The following COL8A1 variants were observed in gnomAD, a reference collection of about 807,000 sequenced individuals.
The protein encoded by COL8A1 is collagen type VIII alpha 1 chain.
Under a neutral mutation model 42.7 loss-of-function variants are expected in COL8A1, and 21 were observed. The ratio of observed to expected loss-of-function variants is 0.49; its 90% CI spans 0.35 to 0.71. The LOEUF (loss-of-function observed/expected upper bound fraction) is 0.71, where lower values mean the gene tolerates loss of function less well. Ranked by LOEUF, COL8A1 falls within the 30% of genes least tolerant of loss-of-function variation. The probability of loss-of-function intolerance (pLI) is 0.01; values close to 1 mark genes in which losing one functional copy is unlikely to be tolerated. For synonymous variants in COL8A1, 367 were observed against 369.1 expected, an observed-to-expected ratio of 0.99 and a Z score of 0.06; for missense variants, 788 against 962.4, an observed-to-expected ratio of 0.82 and a Z score of 2.40.
At chr3:99,650,827 A>G (rs1937821985) in intron 1 of COL8A1, among the ~76,000 whole-genome samples, 1 of 152,256 alleles carries the variant, frequency 6.6e-6, no homozygotes, top group South Asian at 2.1e-4. Context: ...ATATTGAACA[A>G]GAAACTATTT....
intron 1 of COL8A1, among the ~76,000 whole-genome samples, chr3:99,738,877 T>C (rs1239372234): frequency 1.3e-5 from 2 of 152,132 alleles, no homozygotes; most frequent in Non-Finnish European, 2.9e-5. Context: ...ATCAGCGAGA[T>C]TCCGTGGGCG....
At chr3:99,658,031 G>T (rs1269746843) in intron 1 of COL8A1, among the ~76,000 whole-genome samples, 1 of 151,388 alleles carries the variant, frequency 6.6e-6, no homozygotes, top group Non-Finnish European at 1.5e-5. Context: ...GGAGGCTGAG[G>T]CAGGAGAATC....
At chr3:99,700,306 A>G (rs989924461) in intron 1 of COL8A1, among the ~76,000 whole-genome samples, 1 of 151,890 alleles carries the variant, frequency 6.6e-6, no homozygotes, top group African/African-American at 2.4e-5. Context: ...TTTAGAAGAA[A>G]AAAAAAAAAG....
chr3:99,788,872 T>C (rs879576813), intron 2 of COL8A1, among the ~76,000 whole-genome samples: 1 of 152,184 alleles, frequency 6.6e-6, no homozygotes, highest in Admixed American at 6.5e-5. Context: ...GGATTTTAGA[T>C]ACTGGAGAAC....
At position 99,799,093 on chromosome 3, in the gene COL8A1, C is replaced by A. The variant is rs924437970; in HGVS notation, c.*2957C>A. The A allele has an allele frequency of 1.3e-5, 2 of 152,162 alleles. No homozygotes were observed. The highest frequency in any genetic ancestry group is 2.9e-5 in the Non-Finnish European group (2 of 68,002). 9.4% of individuals were successfully genotyped at this position (152,162 alleles called of 1,614,324 possible). A position where few individuals can be genotyped will look rare whatever the true frequency, so the allele number is the denominator to read the frequency against. Reference sequence around the variant, plus strand: ...CAAATATTTTATAGAATACAATGAACGGTGAACAGACTGGTAACTTGTTTG... The same window carrying A: ...CAAATATTTTATAGAATACAATGAAAGGTGAACAGACTGGTAACTTGTTTG... On this transcript the variant is annotated 3_prime_UTR_variant, in exon 4 of 4. Transcript: ENST00000652472.
intron 1 of COL8A1, among the ~76,000 whole-genome samples, chr3:99,669,152 G>C (rs1409070744): frequency 1.6e-4 from 7 of 42,486 alleles, no homozygotes; most frequent in Non-Finnish European, 3.6e-4. Context: ...TATATAGAGG[G>C]AGAGAGAGAG....
chr3:99,703,280 A>G (rs1436088297), intron 1 of COL8A1: 1 of 152,312 alleles, frequency 6.6e-6, no homozygotes, highest in African/African-American at 2.4e-5. Flanking sequence ...ACAAGCTATG[A>G]GATTTGCGCT....
intron 1 of COL8A1, among the ~76,000 whole-genome samples, chr3:99,641,859 A>C (rs886431811): frequency 2.6e-5 from 4 of 152,182 alleles, no homozygotes; most frequent in Non-Finnish European, 5.9e-5. Flanking sequence ...TGAAAGGTGC[A>C]CTGGTCTAAC....
intron 1 of COL8A1, among the ~76,000 whole-genome samples, chr3:99,674,050 G>A (rs997972410): frequency 2.0e-5 from 3 of 151,874 alleles, no homozygotes; most frequent in Non-Finnish European, 4.4e-5. Flanking sequence ...CATGAATTTT[G>A]GGAAATTTTC....
intron 1 of COL8A1, chr3:99,678,586 T>G (rs948995234): frequency 1.8e-4 from 27 of 149,228 alleles, no homozygotes; most frequent in Admixed American, 1.3e-4. Context: ...GGGTTGTTTG[T>G]TGTTGTTGTT....
intron 1 of COL8A1, among the ~76,000 whole-genome samples, chr3:99,669,151 GGA>G (rs36015819): frequency 0.34 from 39,006 of 113,284 alleles, 6,477 homozygotes; most frequent in East Asian, 0.65. Flanking sequence ...ATATATAGAG[GGA>G]GAGAGAGAGA....
chr3:99,646,424 G>A (rs780579965), intron 1 of COL8A1, among the ~76,000 whole-genome samples: 31 of 152,152 alleles, frequency 2.0e-4, no homozygotes, highest in Non-Finnish European at 4.4e-4. Context: ...GGCAAGGGGC[G>A]TGTCACTGAT....
intron 1 of COL8A1, among the ~76,000 whole-genome samples, chr3:99,735,442 C>A (rs28897444): frequency 3.6e-5 from 2 of 55,974 alleles, no homozygotes; most frequent in Non-Finnish European, 6.7e-5. Context: ...TGTTTATATG[C>A]TGGATTACAT....
At chr3:99,733,624 T>C (rs1940597688) in intron 1 of COL8A1, among the ~76,000 whole-genome samples, 1 of 152,042 alleles carries the variant, frequency 6.6e-6, no homozygotes, top group South Asian at 2.1e-4. Flanking sequence ...TGTATGTGTC[T>C]TTATAGCAGC....
At chr3:99,687,006 C>A (rs1488840059) in intron 1 of COL8A1, among the ~76,000 whole-genome samples, 1 of 152,142 alleles carries the variant, frequency 6.6e-6, no homozygotes, top group East Asian at 1.9e-4. Context: ...TTACACCCAG[C>A]CAATTTTTTT....
At chr3:99,760,036 C>G (rs1200174712) in intron 2 of COL8A1, among the ~76,000 whole-genome samples, 1 of 151,866 alleles carries the variant, frequency 6.6e-6, no homozygotes. Context: ...GGAATTGCTG[C>G]TATATGAAGC....
At chr3:99,782,140 C>A (rs979606575) in intron 2 of COL8A1, among the ~76,000 whole-genome samples, 5 of 151,908 alleles carry the variant, frequency 3.3e-5, no homozygotes, top group African/African-American at 1.2e-4. Flanking sequence ...GAAAAAAAAA[C>A]CATGGATTAT....
intron 1 of COL8A1, among the ~76,000 whole-genome samples, chr3:99,687,730 T>C (rs1313864539): frequency 6.6e-6 from 1 of 152,220 alleles, no homozygotes; most frequent in Non-Finnish European, 1.5e-5. Context: ...AGAAATGTAT[T>C]ATACTAATAA....
intron 1 of COL8A1, among the ~76,000 whole-genome samples, chr3:99,642,545 C>T (rs1937521888): frequency 6.6e-6 from 1 of 152,180 alleles, no homozygotes; most frequent in African/African-American, 2.4e-5. Flanking sequence ...GAACACACAC[C>T]TGACAATTCA....
Sources: gnomAD v4.1 joint callset for allele counts (sites outside exome capture counted in the v4.1 genomes callset) on GRCh38, gnomAD v4.1.1 for gene constraint, MANE v1.5 for transcripts, NCBI Gene and HGNC (gene_info 2026-07-23, HGNC 2026-07-21) for gene names.